Variants in ESRRG observed in about 807,000 individuals in gnomAD.
ESRRG encodes estrogen related receptor gamma, also known as estrogen-related receptor gamma.
In ESRRG, 13 loss-of-function variants were observed where a neutral mutation model predicts 44.0. The ratio of observed to expected loss-of-function variants is 0.30; its 90% CI spans 0.19 to 0.47. The LOEUF (loss-of-function observed/expected upper bound fraction) is 0.47. Ranked by LOEUF, ESRRG falls within the 20% of genes least tolerant of loss-of-function variation. ESRRG has a pLI of 1.00. For synonymous variants in ESRRG, 215 were observed against 214.6 expected (o/e 1.00, Z -0.02); for missense variants, 395 against 580.6 (o/e 0.68, Z 3.29).
At position 216,503,493 on chromosome 1, in the gene ESRRG, G is replaced by A. The variant is rs1462955939; in HGVS notation, c.*3446C>T. On this transcript the variant is annotated 3_prime_UTR_variant, in exon 7 of 7. Transcript: ENST00000408911. ...GATGTGAAGCCCATCTACAGCTATA[G>A]ACATGGTTTTATTATTATTATTATT... is the stretch of plus-strand genomic sequence containing the variant. The A allele has an allele frequency of 6.6e-6, 1 of 151,428 alleles. No homozygotes were observed. The allele number at this position is 151,428 out of a possible 1,614,324, so 9.4% of individuals were successfully genotyped here.
intron 1 of ESRRG, among the ~76,000 whole-genome samples, chr1:217,068,646 G>A (rs898488119): frequency 6.6e-6 from 1 of 152,078 alleles, no homozygotes; most frequent in Non-Finnish European, 1.5e-5. Context: ...TGTATTATTA[G>A]AAGAAATACA....
chr1:216,748,917 C>T (rs985413598), intron 2 of ESRRG, among the ~76,000 whole-genome samples: 2 of 152,098 alleles, frequency 1.3e-5, no homozygotes, highest in Non-Finnish European at 2.9e-5. Flanking sequence ...AGGGGCCCAT[C>T]CATTTGAGTC....
chr1:216,873,305 T>G (rs2096286380), intron 2 of ESRRG, among the ~76,000 whole-genome samples: 1 of 131,660 alleles, frequency 7.6e-6, no homozygotes, highest in African/African-American at 2.9e-5. Context: ...TCCGCCCCCC[T>G]GGTTCAAGCA....
intron 1 of ESRRG, among the ~76,000 whole-genome samples, chr1:217,074,153 T>G (rs559017563): frequency 6.6e-6 from 1 of 151,056 alleles, no homozygotes; most frequent in East Asian, 2.0e-4. Flanking sequence ...GTTCAAGCAA[T>G]TCTCCTGCCT....
At chr1:216,536,759 G>A (rs2149206967) in intron 5 of ESRRG, among the ~76,000 whole-genome samples, 1 of 151,976 alleles carries the variant, frequency 6.6e-6, no homozygotes. Context: ...CCATGCTAGT[G>A]CTTCCATTTA....
intron 1 of ESRRG, among the ~76,000 whole-genome samples, chr1:216,719,394 T>A (rs1364373756): frequency 2.6e-5 from 4 of 151,988 alleles, no homozygotes. Flanking sequence ...GCCTGAAGTG[T>A]TATTAACTAA....
At chr1:216,695,032 G>A (rs1289934716) in intron 1 of ESRRG, among the ~76,000 whole-genome samples, 1 of 151,946 alleles carries the variant, frequency 6.6e-6, no homozygotes, top group Non-Finnish European at 1.5e-5. Context: ...TTATAATGAA[G>A]ATAAATCATG....
intron 5 of ESRRG, among the ~76,000 whole-genome samples, chr1:216,540,788 C>T (rs1248281870): frequency 1.3e-5 from 2 of 151,902 alleles, no homozygotes; most frequent in Non-Finnish European, 2.9e-5. Flanking sequence ...TATTGTGGTG[C>T]TTTTACTAAG....
intron 1 of ESRRG, among the ~76,000 whole-genome samples, chr1:216,695,349 A>T (rs2079933602): frequency 6.6e-6 from 1 of 152,096 alleles, no homozygotes; most frequent in Admixed American, 6.6e-5. Context: ...TATGAGTAAA[A>T]CTGGTGCTAT....
intron 2 of ESRRG, among the ~76,000 whole-genome samples, chr1:216,744,158 A>G (rs1034065254): frequency 6.6e-6 from 1 of 152,162 alleles, no homozygotes; most frequent in African/African-American, 2.4e-5. Flanking sequence ...AGGAACCATG[A>G]GGGAGTAAGA....
At chr1:216,979,090 G>C (rs2073481534) in intron 1 of ESRRG, among the ~76,000 whole-genome samples, 1 of 151,962 alleles carries the variant, frequency 6.6e-6, no homozygotes, top group Non-Finnish European at 1.5e-5. Context: ...AAGTTAGCTG[G>C]ATATACTCAC....
intron 2 of ESRRG, among the ~76,000 whole-genome samples, chr1:216,877,543 A>G (rs2096376853): frequency 6.6e-6 from 1 of 151,934 alleles, no homozygotes; most frequent in Non-Finnish European, 1.5e-5. Context: ...AGCTGGGACT[A>G]CAGGCACGCA....
chr1:216,604,996 G>GGAGGGGGAGATGCTTATAT (rs1193629183), intron 3 of ESRRG, among the ~76,000 whole-genome samples: 2 of 152,278 alleles, frequency 1.3e-5, no homozygotes, highest in East Asian at 3.9e-4. Flanking sequence ...ATGGAAGGAG[G>GGAGGGGGAGATGCTTATAT]GAGGGGGAGA....
intron 2 of ESRRG, among the ~76,000 whole-genome samples, chr1:216,826,924 C>T (rs2095407367): frequency 6.6e-6 from 1 of 152,162 alleles, no homozygotes; most frequent in African/African-American, 2.4e-5. Flanking sequence ...CTACAATTTT[C>T]ATGAGGGCCC....
intron 2 of ESRRG, among the ~76,000 whole-genome samples, chr1:216,824,979 C>T (rs2095365619): frequency 6.6e-6 from 1 of 152,156 alleles, no homozygotes; most frequent in African/African-American, 2.4e-5. Flanking sequence ...TTCACTACAT[C>T]AGGAGGTCTG....
At chr1:216,906,860 T>C (rs537030215) in intron 2 of ESRRG, among the ~76,000 whole-genome samples, 6 of 152,326 alleles carry the variant, frequency 3.9e-5, no homozygotes, top group African/African-American at 1.4e-4. Flanking sequence ...GAGATAAAGA[T>C]CATGTTTCTA....
intron 1 of ESRRG, among the ~76,000 whole-genome samples, chr1:216,962,256 A>G (rs2818783): frequency 0.52 from 78,400 of 151,952 alleles, 21,950 homozygotes; most frequent in Middle Eastern, 0.7. Context: ...TCAGTGTGAG[A>G]CCCTGGCATT....
intron 3 of ESRRG, among the ~76,000 whole-genome samples, chr1:216,608,986 C>T (rs1020181600): frequency 1.3e-4 from 20 of 152,162 alleles, no homozygotes; most frequent in African/African-American, 4.1e-4. Context: ...TACCTATGAG[C>T]ATCTTTCTTG....
Position 216,505,127 on chromosome 1 carries a change from G to A in ESRRG, c.*1812C>T, listed in dbSNP as rs1321324928. On this transcript the variant is annotated 3_prime_UTR_variant, in exon 7 of 7. Coordinates refer to ENST00000408911, the MANE Select transcript of ESRRG (RefSeq NM_001438.4). Reference sequence around the variant, plus strand: ...GGATTACAATTTTAATTACATCTGTGTACATAGAATAAGACTGTTCACATA... The same window carrying A: ...GGATTACAATTTTAATTACATCTGTATACATAGAATAAGACTGTTCACATA... 1 of 152,612 alleles carries A rather than the reference G, an allele frequency of 6.6e-6. No homozygotes were observed. Among genetic ancestry groups the A allele is most frequent in the East Asian group, 1.9e-4 (1 of 5,186 alleles). The allele number at this position is 152,612 out of a possible 1,614,324, so 9.5% of individuals were successfully genotyped here. A position where few individuals can be genotyped will look rare whatever the true frequency, so the allele number is the denominator to read the frequency against.
Sources: allele counts gnomAD v4.1 joint callset (sites outside exome capture counted in the v4.1 genomes callset), GRCh38; gene constraint gnomAD v4.1.1; transcripts MANE v1.5; gene names NCBI Gene and HGNC (gene_info 2026-07-23, HGNC 2026-07-21).